MYLK: variants seen among roughly 807,000 people sequenced by gnomAD.
The protein encoded by MYLK is myosin light chain kinase, smooth muscle.
Under a neutral mutation model 203.4 loss-of-function variants are expected in MYLK, and 106 were observed. The observed-to-expected ratio is 0.52, with a 90% CI of 0.45 to 0.61. MYLK has a LOEUF of 0.61. Among genes scored for constraint, MYLK ranks in the 20% least tolerant of loss-of-function variants. The pLI is 0.00. For missense variants in MYLK, 2,072 were observed against 2,442.3 expected (o/e 0.85, Z 3.20); for synonymous variants, 867 against 959.5 (o/e 0.90, Z 1.78).
At chr3:123,699,060 C>T in intron 18 of MYLK, 1 of 152,406 alleles carries the variant, frequency 6.6e-6, no homozygotes, top group Non-Finnish European at 1.5e-5. Context: ...CTTCTTTGTA[C>T]CCTACCCTGT....
chr3:123,803,138 C>T (rs2065252607), intron 3 of MYLK, among the ~76,000 whole-genome samples: 1 of 152,146 alleles, frequency 6.6e-6, no homozygotes, highest in East Asian at 1.9e-4. Context: ...AGGCAATTGA[C>T]AATCTCTCAA....
Position 123,707,741 on chromosome 3 carries a change from C to T in MYLK, c.2390+13G>A. On this transcript the variant is annotated intron_variant, in intron 16 of 33. Coordinates refer to ENST00000360304, the MANE Select transcript of MYLK (RefSeq NM_053025.4). ...GAAGGGTTAAGGGAGGCTGGCTGGACATGCAGACTCACTTGAGCAGGATCT... is the reference window on the plus strand; with the variant it reads ...GAAGGGTTAAGGGAGGCTGGCTGGATATGCAGACTCACTTGAGCAGGATCT... 6.2e-7 allele frequency: 1 copy of T among 1,614,130 alleles called. No homozygotes were observed. Among genetic ancestry groups the T allele is most frequent in the Non-Finnish European group, 8.5e-7 (1 of 1,180,050 alleles).
chr3:123,828,605 A>C (rs960507669), intron 3 of MYLK, among the ~76,000 whole-genome samples: 2 of 152,144 alleles, frequency 1.3e-5, no homozygotes, highest in Non-Finnish European at 2.9e-5. Flanking sequence ...ATAAACAAAT[A>C]GTATTATATC....
At chr3:123,714,353 A>G (rs1445502355) in intron 13 of MYLK, among the ~76,000 whole-genome samples, 1 of 152,126 alleles carries the variant, frequency 6.6e-6, no homozygotes, top group Non-Finnish European at 1.5e-5. Flanking sequence ...GCTTTCTGTC[A>G]TCATCCATAT....
At chr3:123,693,409 T>G (rs2060766999) in intron 18 of MYLK, 1 of 139,238 alleles carries the variant, frequency 7.2e-6, no homozygotes, top group Admixed American at 7.2e-5. Context: ...TGTGGGAAGA[T>G]CTGTTGGGAG....
chr3:123,796,346 C>A (rs1028753024), intron 3 of MYLK, among the ~76,000 whole-genome samples: 1 of 152,154 alleles, frequency 6.6e-6, no homozygotes, highest in Non-Finnish European at 1.5e-5. Context: ...GGCATTTGAA[C>A]CCAAGCACCT....
At chr3:123,739,628 C>T (rs2062796432) in intron 6 of MYLK, among the ~76,000 whole-genome samples, 1 of 152,234 alleles carries the variant, frequency 6.6e-6, no homozygotes. Context: ...TGAGGCTTGT[C>T]TGTTACAGCA....
chr3:123,714,331 AT>A (rs2061820071), intron 13 of MYLK, among the ~76,000 whole-genome samples: 1 of 152,126 alleles, frequency 6.6e-6, no homozygotes, highest in African/African-American at 2.4e-5. Context: ...GCAGGTCTCA[AT>A]TCTGTGAGGA....
intron 23 of MYLK, among the ~76,000 whole-genome samples, chr3:123,658,215 T>A (rs1046235243): frequency 2.4e-4 from 36 of 152,200 alleles, no homozygotes; most frequent in African/African-American, 8.4e-4. Context: ...TATAAATAAT[T>A]TCAAAAGCAA....
intron 20 of MYLK, among the ~76,000 whole-genome samples, chr3:123,673,056 C>T (rs1278996096): frequency 2.6e-5 from 4 of 152,088 alleles, no homozygotes; most frequent in Non-Finnish European, 5.9e-5. Context: ...GGGATCTGAG[C>T]CTCCTGCCAC....
rs74362488 is a variant in MYLK at position 123,785,811 on chromosome 3, G to A, written c.165+7866C>T. On this transcript the variant is annotated intron_variant, in intron 4 of 33. Coordinates refer to ENST00000360304, the MANE Select transcript of MYLK (RefSeq NM_053025.4). Reference sequence around the variant, plus strand: ...TATTCAGCACTTAAATAGTGCTGATGCGGCTGATGCGGCTGAGGAACTGAA... The same window carrying A: ...TATTCAGCACTTAAATAGTGCTGATACGGCTGATGCGGCTGAGGAACTGAA... 4.9e-3 allele frequency among the ~76,000 whole-genome samples: 745 copies of A among 152,250 alleles called. 18 individuals carry two copies. In the East Asian group the frequency reaches 0.063, roughly 13 times the overall value.
chr3:123,814,619 A>G (rs2065679808), intron 3 of MYLK, among the ~76,000 whole-genome samples: 1 of 152,138 alleles, frequency 6.6e-6, no homozygotes, highest in Non-Finnish European at 1.5e-5. Context: ...TTCATTTTTC[A>G]TGCTTTTCCT....
chr3:123,849,186 G>C (rs2030433367), intron 2 of MYLK, among the ~76,000 whole-genome samples: 1 of 152,096 alleles, frequency 6.6e-6, no homozygotes, highest in Non-Finnish European at 1.5e-5. Context: ...ATGTTGCTCA[G>C]GCTGGTCTCA....
At chr3:123,675,080 C>T (rs977278599) in intron 20 of MYLK, among the ~76,000 whole-genome samples, 1 of 152,242 alleles carries the variant, frequency 6.6e-6, no homozygotes, top group African/African-American at 2.4e-5. Flanking sequence ...CATTCTCCCC[C>T]AGCCCTGGGC....
chr3:123,682,763 T>A (rs892972714), intron 19 of MYLK, among the ~76,000 whole-genome samples: 23 of 152,164 alleles, frequency 1.5e-4, no homozygotes, highest in African/African-American at 5.3e-4. Flanking sequence ...GCGCACAGCT[T>A]CTGATTTCTC....
chr3:123,662,390 AG>A (rs2059591524), intron 23 of MYLK, among the ~76,000 whole-genome samples: 2 of 152,304 alleles, frequency 1.3e-5, no homozygotes, highest in African/African-American at 4.8e-5. Flanking sequence ...TACGAGATGA[AG>A]ATAGGGGAGA....
In MYLK at chr3:123,810,939, C is replaced by A. The variant is rs556150788; in HGVS notation, c.-3-17095G>T. On this transcript the variant is annotated intron_variant, in intron 3 of 33. Transcript: ENST00000360304. ...TTAACAGTCTCATTTTTCTAGCAAT[C>A]ATGGCTACCTTTTTCTCCTCACACT... 3.9e-5 allele frequency among the ~76,000 whole-genome samples: 6 copies of A among 152,352 alleles called. No homozygotes were observed. In the South Asian group the frequency reaches 1.2e-3, roughly 32 times the overall value.
At chr3:123,797,903 T>C (rs1032581858) in intron 3 of MYLK, among the ~76,000 whole-genome samples, 7 of 152,200 alleles carry the variant, frequency 4.6e-5, no homozygotes, top group African/African-American at 1.7e-4. Context: ...AATATAGATA[T>C]AGACCCTTTC....
At chr3:123,790,446 C>T (rs2064731717) in intron 4 of MYLK, among the ~76,000 whole-genome samples, 1 of 152,052 alleles carries the variant, frequency 6.6e-6, no homozygotes, top group Non-Finnish European at 1.5e-5. Context: ...GTGGAAAAGC[C>T]CTAAAGGCTG....
Sources: allele counts gnomAD v4.1 joint callset (sites outside exome capture counted in the v4.1 genomes callset), GRCh38; gene constraint gnomAD v4.1.1; transcripts MANE v1.5; gene names NCBI Gene and HGNC (gene_info 2026-07-23, HGNC 2026-07-21).